The following APOBR variants were observed in gnomAD, a reference collection of about 807,000 sequenced individuals.
APOBR encodes apolipoprotein B receptor.
APOBR carries 57 observed loss-of-function variants against 88.5 expected under a neutral mutation model. The ratio of observed to expected loss-of-function variants is 0.64; its 90% CI spans 0.52 to 0.80. The LOEUF (loss-of-function observed/expected upper bound fraction) is 0.80, where lower values mean the gene tolerates loss of function less well. Among genes scored for constraint, APOBR ranks in the 30% least tolerant of loss-of-function variants. APOBR has a pLI of 0.00. For missense variants in APOBR, 1,443 were observed against 1,401.6 expected (o/e 1.03, Z -0.47); for synonymous variants, 588 against 572.7 (o/e 1.03, Z -0.38).
In APOBR at chr16:28,498,712, T is replaced by C. The variant is rs1345981557; in HGVS notation, c.*207T>C. On this transcript the variant is annotated 3_prime_UTR_variant, in exon 4 of 4. Transcript: ENST00000564831. ...AGGAGTCTGATTCTCCGACACAGGCTGGTGGACCACCTACCCCACTGAGAC... is the reference window on the plus strand; with the variant it reads ...AGGAGTCTGATTCTCCGACACAGGCCGGTGGACCACCTACCCCACTGAGAC... The C allele has an allele frequency of 1.2e-5, 8 of 642,040 alleles. No individual in the cohort carries two copies. The highest frequency in any genetic ancestry group is 1.8e-5 in the African/African-American group (1 of 54,644). The allele number at this position is 642,040 out of a possible 1,614,324, so 39.8% of individuals were successfully genotyped here. A position where few individuals can be genotyped will look rare whatever the true frequency, so the allele number is the denominator to read the frequency against.
Position 28,496,073 on chromosome 16 carries a change from G to C in APOBR, c.1032G>C (p.Glu344Asp), listed in dbSNP as rs1221488293. ...AGGCCGGGATAGCCTCAGGCGGGGA[G>C]GCTGGGACAGCCTCAGGAGGGGAGG... ...GEEAGIASGGEAGTASGGEEA... is the reference protein window; with the variant it reads ...GEEAGIASGGDAGTASGGEEA... Residue 344 changes from glutamate to aspartate, a missense_variant, in exon 2 of 4, where the codon GAG becomes GAC. Glu to Asp is a conservative substitution (Grantham distance 45, BLOSUM62 2). Transcript: ENST00000564831. 6.5e-7 allele frequency: 1 copy of C among 1,546,432 alleles called. No individual in the cohort carries two copies.
Position 28,497,110 on chromosome 16 carries a change from C to G in APOBR, c.2069C>G (p.Thr690Ser). ...ACAACCCAGGACGCGGGATGTGGAA[C>G]TGAGGAGGGAGAGGCATCTGTCTCA... ...GLTTQDAGCGTEEGEASVSEN... is the reference protein window; with the variant it reads ...GLTTQDAGCGSEEGEASVSEN... The change falls in exon 2 of 4, where the codon ACT (threonine) becomes AGT (serine). Residue 690 changes from threonine to serine, a missense_variant. Thr to Ser is a moderately conservative substitution (Grantham distance 58). Transcript: ENST00000564831. The G allele has an allele frequency of 6.2e-7, 1 of 1,604,080 alleles. No homozygotes were observed. Among genetic ancestry groups the G allele is most frequent in the South Asian group, 1.1e-5 (1 of 89,310 alleles).
rs1172535421 is a variant in APOBR, at chr16:28,497,742, G to C, written c.2701G>C (p.Glu901Gln). Residue 901 changes from glutamate to glutamine, a missense_variant, in exon 2 of 4, where the codon GAG becomes CAG. Physicochemically the swap from Glu to Gln is conservative, Grantham distance 29. Coordinates refer to ENST00000564831, the MANE Select transcript of APOBR (RefSeq NM_018690.4). ...WQEREQREDS[E>Q]GRCGDYHPEG... ...GGAGAGAGAACAGAGGGAAGACAGT[G>C]AGGGGCGGTGTGGGGACTACCACCC... 6.2e-7 allele frequency: 1 copy of C among 1,604,764 alleles called. No homozygotes were observed. The highest frequency in any genetic ancestry group is 8.5e-7 in the Non-Finnish European group (1 of 1,175,852).
In APOBR at chr16:28,496,380, A is replaced by T. The variant is rs1419666850; in HGVS notation, c.1339A>T (p.Arg447Trp). The T allele has an allele frequency of 6.2e-7, 1 of 1,606,636 alleles. No homozygotes were observed. Among genetic ancestry groups the T allele is most frequent in the African/African-American group, 1.3e-5 (1 of 74,734 alleles). ...GGCTGCTGAGAGCCAGACCGCAGGG[A>T]GGGAAGCTGTGGGAGGCCAGGAGGC... The part of the protein sequence containing the change: ...EEAAESQTAG[R>W]EAVGGQEAGE... Residue 447 changes from arginine (R) to tryptophan (W), a missense_variant, in exon 2 of 4, where the codon AGG (arginine) becomes TGG (tryptophan). Physicochemically the swap from Arg to Trp is moderately radical, Grantham distance 101. Transcript: ENST00000564831.
At position 28,495,200 on chromosome 16, in the gene APOBR, A is replaced by G. The variant is rs182570423; in HGVS notation, c.159A>G (p.Gly53=). The G allele has an allele frequency of 6.4e-7, 1 of 1,563,726 alleles. No homozygotes were observed. The highest frequency in any genetic ancestry group is 2.0e-5 in the Admixed American group (1 of 49,882). The change falls in exon 2 of 4, where the codon GGA becomes GGG. Residue 53 remains glycine, a synonymous_variant. Transcript: ENST00000564831. ...AGGAACTGGGGGTGGTGGCGGTGGG[A>G]AAGACAGGGAAGATTGTAGAGGAGG... is the stretch of plus-strand genomic sequence containing the variant. ...AAEELGVVAV[G]KTGKIVEEEA... is the part of the protein sequence containing the mutation.
In APOBR at chr16:28,497,114, G is replaced by A. The variant is rs1346260156; in HGVS notation, c.2073G>A (p.Glu691=). The A allele has an allele frequency of 6.2e-7, 1 of 1,604,942 alleles. No homozygotes were observed. Among genetic ancestry groups the A allele is most frequent in the South Asian group, 1.1e-5 (1 of 89,386 alleles). ...LTTQDAGCGT[E]EGEASVSENQ... ...CCCAGGACGCGGGATGTGGAACTGA[G>A]GAGGGAGAGGCATCTGTCTCAGAGA... The change falls in exon 2 of 4, where the codon GAG becomes GAA. Residue 691 remains glutamate, a synonymous_variant. Transcript: ENST00000564831.
Position 28,497,037 on chromosome 16 carries a change from C to G in APOBR, c.1996C>G (p.Arg666Gly), listed in dbSNP as rs1049441297. ...CCTGGCGGCTGAGGCTGAAGGAGAC[C>G]GAGAGTCTGAACTATCAGAAGTCCC... ...QTLAAEAEGD[R>G]ESELSEVPEA... The change falls in exon 2 of 4, where the codon CGA becomes GGA. Residue 666 changes from arginine to glycine, a missense_variant. Transcript: ENST00000564831. 2 of 1,584,532 alleles carry G rather than the reference C, an allele frequency of 1.3e-6. No homozygotes were observed. The highest frequency in any genetic ancestry group is 1.3e-5 in the African/African-American group (1 of 74,444).
At position 28,496,841 on chromosome 16, in the gene APOBR, G is replaced by A. The variant is rs2046396564; in HGVS notation, c.1800G>A (p.Arg600=). The A allele has an allele frequency of 6.4e-6, 10 of 1,559,696 alleles. No individual in the cohort carries two copies. The highest frequency in any genetic ancestry group is 8.7e-6 in the Non-Finnish European group (10 of 1,151,694). The change falls in exon 2 of 4, where the codon AGG becomes AGA. Residue 600 remains arginine (R), a synonymous_variant. Coordinates refer to ENST00000564831, the MANE Select transcript of APOBR (RefSeq NM_018690.4). Reference sequence around the variant, plus strand: ...CCCTGAGCAAAGAGGAGCAGGAGAGGAGCCTGGAGGCAGGTCCCAGGCACG... The same window carrying A: ...CCCTGAGCAAAGAGGAGCAGGAGAGAAGCCTGGAGGCAGGTCCCAGGCACG... ...VLALSKEEQE[R]SLEAGPRHAG... is the part of the protein sequence containing the mutation.
rs3833079 is a variant in APOBR at position 28,496,001 on chromosome 16, A to C, written c.960A>C (p.Glu320Asp). Residue 320 changes from glutamate to aspartate, a missense_variant, in exon 2 of 4, where the codon GAA becomes GAC. By Grantham distance (45) the Glu-to-Asp change is conservative. Transcript: ENST00000564831. ...AETASGGEEA[E>D]TASGGEEAGT... The stretch of plus-strand genomic sequence containing the variant: ...CAGCCTCAGGCGGGGAGGAGGCTGA[A>C]ACAGCCTCAGGCGGGGAGGAGGCCG... 27 of 1,598,904 alleles carry C rather than the reference A, an allele frequency of 1.7e-5. No homozygotes were observed. The highest frequency in any genetic ancestry group is 2.2e-5 in the Non-Finnish European group (26 of 1,176,216).
At position 28,495,113 on chromosome 16, in the gene APOBR, C is replaced by CT; in HGVS notation, c.75dup (p.Val26CysfsTer20). The CT allele has an allele frequency of 6.6e-7, 1 of 1,526,246 alleles. No homozygotes were observed. The highest frequency in any genetic ancestry group is 8.8e-7 in the Non-Finnish European group (1 of 1,138,702). 94.5% of individuals were successfully genotyped at this position (1,526,246 alleles called of 1,614,324 possible). A position where few individuals can be genotyped will look rare whatever the true frequency, so the allele number is the denominator to read the frequency against. On this transcript the variant is annotated frameshift_variant, in exon 2 of 4. Coordinates refer to ENST00000564831, the MANE Select transcript of APOBR (RefSeq NM_018690.4). LOFTEE classifies it high-confidence loss of function. ...TTTTTTCCTAGGATTCCCTCGGCAC[C>CT]TTTGTCTCCTACCTCCTGGGAGATG...
rs1348748967 is a variant in APOBR at position 28,495,299 on chromosome 16, T to C, written c.258T>C (p.Asp86=). The C allele has an allele frequency of 6.5e-7, 1 of 1,537,822 alleles. No homozygotes were observed. The highest frequency in any genetic ancestry group is 1.4e-5 in the African/African-American group (1 of 72,566). Residue 86 remains aspartate (D), a synonymous_variant, in exon 2 of 4, where the codon GAT becomes GAC. Coordinates refer to ENST00000564831, the MANE Select transcript of APOBR (RefSeq NM_018690.4). The part of the protein sequence containing the change: ...EGAGRLRGPG[D]DRRHEVGSSA... The stretch of plus-strand genomic sequence containing the variant: ...CTGGAAGGCTGAGAGGGCCTGGAGA[T>C]GACAGAAGACATGAAGTGGGGAGCT...
Position 28,495,319 on chromosome 16 carries a change from G to A in APOBR, c.278G>A (p.Gly93Glu), listed in dbSNP as rs1340510676. 1.3e-6 allele frequency: 2 copies of A among 1,545,420 alleles called. No homozygotes were observed. Among genetic ancestry groups the A allele is most frequent in the Non-Finnish European group, 1.7e-6 (2 of 1,145,870 alleles). Reference protein sequence around the residue: ...GPGDDRRHEVGSSAVEQTWGW... With the variant: ...GPGDDRRHEVESSAVEQTWGW... ...GGAGATGACAGAAGACATGAAGTGGGGAGCTCAGCTGTAGAACAGACCTGG... is the reference window on the plus strand; with the variant it reads ...GGAGATGACAGAAGACATGAAGTGGAGAGCTCAGCTGTAGAACAGACCTGG... Residue 93 changes from glycine (G) to glutamate (E), a missense_variant, in exon 2 of 4, where the codon GGG becomes GAG. By Grantham distance (98) the Gly-to-Glu change is moderately conservative. Coordinates refer to ENST00000564831, the MANE Select transcript of APOBR (RefSeq NM_018690.4).
At position 28,496,596 on chromosome 16, in the gene APOBR, G is replaced by A. The variant is rs376535179; in HGVS notation, c.1555G>A (p.Asp519Asn). The change falls in exon 2 of 4, where the codon GAC (aspartate) becomes AAC (asparagine). Residue 519 changes from aspartate to asparagine, a missense_variant. Asp to Asn is a conservative substitution (Grantham distance 23). Coordinates refer to ENST00000564831, the MANE Select transcript of APOBR (RefSeq NM_018690.4). ...PSDGEAEGTA[D>N]LEATPEARPE... ...AGATGGAGAGGCTGAAGGCACTGCC[G>A]ACTTGGAGGCAACTCCAGAGGCCAG... The A allele has an allele frequency of 2.9e-5, 46 of 1,570,086 alleles. No individual in the cohort carries two copies. Among genetic ancestry groups the A allele is most frequent in the South Asian group, 2.6e-4 (22 of 84,312 alleles).
Position 28,496,181 on chromosome 16 carries a change from G to A in APOBR, c.1140G>A (p.Glu380=), listed in dbSNP as rs748177805. ...DEAWTTSGKE[E]ADLLGVRQTE... ...CCTGGACAACCTCAGGCAAAGAGGA[G>A]GCTGACCTGCTGGGAGTCAGACAGA... The change falls in exon 2 of 4, where the codon GAG becomes GAA. Residue 380 remains glutamate (E), a synonymous_variant. Transcript: ENST00000564831. The A allele has an allele frequency of 3.8e-6, 6 of 1,561,192 alleles. No homozygotes were observed. The highest frequency in any genetic ancestry group is 5.2e-6 in the Non-Finnish European group (6 of 1,156,108).
rs747245857 is a variant in APOBR, at chr16:28,498,548, A to G, written c.*43A>G. On this transcript the variant is annotated 3_prime_UTR_variant, in exon 4 of 4. Transcript: ENST00000564831. The stretch of plus-strand genomic sequence containing the variant: ...GGGAGCCAGGCCCTGAGTGGGTGCC[A>G]GAAGGCTTGCTCCAATGCCACTGAG... 2 of 1,551,972 alleles carry G rather than the reference A, an allele frequency of 1.3e-6. No homozygotes were observed. Among genetic ancestry groups the G allele is most frequent in the Admixed American group, 3.9e-5 (2 of 51,690 alleles).
Position 28,496,156 on chromosome 16 carries a change from C to A in APOBR, c.1115C>A (p.Ala372Asp), listed in dbSNP as rs756059986. The A allele has an allele frequency of 2.6e-6, 4 of 1,546,034 alleles. No individual in the cohort carries two copies. Among genetic ancestry groups the A allele is most frequent in the Non-Finnish European group, 3.5e-6 (4 of 1,148,200 alleles). Residue 372 changes from alanine (A) to aspartate (D), a missense_variant, in exon 2 of 4, where the codon GCC (alanine) becomes GAC (aspartate). Ala to Asp is a moderately radical substitution (Grantham distance 126). Coordinates refer to ENST00000564831, the MANE Select transcript of APOBR (RefSeq NM_018690.4). ...GGGACAGCCTCAGGAGGGGACGAGG[C>A]CTGGACAACCTCAGGCAAAGAGGAG... ...EAGTASGGDE[A>D]WTTSGKEEAD...
At position 28,495,122 on chromosome 16, in the gene APOBR, C is replaced by G; in HGVS notation, c.81C>G (p.Ser27=). 6.5e-7 allele frequency: 1 copy of G among 1,536,720 alleles called. No homozygotes were observed. The highest frequency in any genetic ancestry group is 8.7e-7 in the Non-Finnish European group (1 of 1,144,970). The part of the protein sequence containing the change: ...GALDSLGTFV[S]YLLGDAVPTV... The stretch of plus-strand genomic sequence containing the variant: ...AGGATTCCCTCGGCACCTTTGTCTC[C>G]TACCTCCTGGGAGATGCAGTCCCCA... The change falls in exon 2 of 4, where the codon TCC becomes TCG. Residue 27 remains serine (S), a synonymous_variant. Coordinates refer to ENST00000564831, the MANE Select transcript of APOBR (RefSeq NM_018690.4).
At chr16:28,494,922 C>T in intron 1 of APOBR, 177 bp from the exon 2 acceptor site, 1 of 841,880 alleles carries the variant, frequency 1.2e-6, no homozygotes, top group South Asian at 1.9e-5. Context: ...CCACCTCCAA[C>T]CATGCGTCCT....
rs1285924178 is a variant in APOBR at position 28,497,738 on chromosome 16, CA to C, written c.2698del (p.Ser900ValfsTer25). ...GGCAGGAGAGAGAACAGAGGGAAGA[CA>C]GTGAGGGGCGGTGTGGGGACTACCA... ...GWQEREQRED[S>X]EGRCGDYHPE... On this transcript the variant is annotated frameshift_variant, in exon 2 of 4. Transcript: ENST00000564831. LOFTEE classifies it high-confidence loss of function. 6.2e-7 allele frequency: 1 copy of C among 1,604,502 alleles called. No homozygotes were observed. The highest frequency in any genetic ancestry group is 1.3e-5 in the African/African-American group (1 of 74,770).
Sources: allele counts gnomAD v4.1 joint callset, GRCh38; gene constraint gnomAD v4.1.1; transcripts MANE v1.5; gene names NCBI Gene and HGNC (gene_info 2026-07-23, HGNC 2026-07-21).